Variants in MARK2 observed in about 807,000 individuals in gnomAD.
MARK2 encodes serine/threonine-protein kinase MARK2.
A neutral mutation model predicts 89.8 loss-of-function variants in MARK2; 16 were observed. That is an observed-to-expected ratio of 0.18 (90% confidence interval 0.12 to 0.27). The LOEUF (loss-of-function observed/expected upper bound fraction) is 0.27, where lower values mean the gene tolerates loss of function less well. Among genes scored for constraint, MARK2 ranks in the 10% least tolerant of loss-of-function variants. The pLI, the probability that MARK2 is intolerant of heterozygous loss-of-function variation, is 1.00. For missense variants in MARK2, 621 were observed against 1,049.9 expected (o/e 0.59, Z 5.65); for synonymous variants, 382 against 399.5 (o/e 0.96, Z 0.52).
At chr11:63,894,342 C>A (rs954959293) in intron 1 of MARK2, among the ~76,000 whole-genome samples, 1 of 152,180 alleles carries the variant, frequency 6.6e-6, no homozygotes, top group African/African-American at 2.4e-5. Flanking sequence ...GCGGGAGACT[C>A]GGGTTCGACT....
intron 1 of MARK2, among the ~76,000 whole-genome samples, chr11:63,888,073 TAGG>T (rs1158454030): frequency 6.6e-6 from 1 of 152,182 alleles, no homozygotes; most frequent in African/African-American, 2.4e-5. Flanking sequence ...ATACACCTCA[TAGG>T]GGGCTTTACA....
rs376799657 is a variant in MARK2, at chr11:63,843,008, TA to T, written c.54+3462del. Among the ~76,000 whole-genome samples the T allele has an allele frequency of 6.1e-3, 871 of 142,896 alleles. 1 individual carries two copies. The highest frequency in any genetic ancestry group is 9.9e-3 in the African/African-American group (387 of 39,130). 93.7% of individuals were successfully genotyped at this position (142,896 alleles called of 152,430 possible). A position where few individuals can be genotyped will look rare whatever the true frequency, so the allele number is the denominator to read the frequency against. ...GCTTATAACAGTGAAAGTAGGAGATTAAAAAAAAAAAAAAGTTAAGCCCTGT... is the reference window on the plus strand; with the variant it reads ...GCTTATAACAGTGAAAGTAGGAGATTAAAAAAAAAAAAAGTTAAGCCCTGT... On this transcript the variant is annotated intron_variant, in intron 1 of 18. Coordinates refer to ENST00000402010, the MANE Select transcript of MARK2 (RefSeq NM_001039469.3).
chr11:63,859,922 A>G (rs1187613418), intron 1 of MARK2, among the ~76,000 whole-genome samples: 1 of 152,128 alleles, frequency 6.6e-6, no homozygotes, highest in Non-Finnish European at 1.5e-5. Flanking sequence ...GAGCCACCAC[A>G]TCCGGCCTCT....
In MARK2 at chr11:63,904,885, C is replaced by T. The variant is rs775405538; in HGVS notation, c.1776C>T (p.Ser592=). ...GAACTAACTTCCCCCGGGGTGTGTCCAGCCGAAGCACCTTCCATGCTGGGC... is the reference window on the plus strand; with the variant it reads ...GAACTAACTTCCCCCGGGGTGTGTCTAGCCGAAGCACCTTCCATGCTGGGC... The part of the protein sequence containing the change: ...PDRTNFPRGV[S]SRSTFHAGQL... Residue 592 remains serine (S), a synonymous_variant, in exon 16 of 19, where the codon TCC becomes TCT. Coordinates refer to ENST00000402010, the MANE Select transcript of MARK2 (RefSeq NM_001039469.3). This position sits in a 1 kb window ranked among gnomAD's most constrained non-coding sequence, Gnocchi z 6.3. The T allele has an allele frequency of 1.1e-5, 18 of 1,614,112 alleles. No individual in the cohort carries two copies. In the African/African-American group the frequency reaches 1.7e-4, roughly 16 times the overall value.
At chr11:63,856,573 G>C (rs1338234313) in intron 1 of MARK2, among the ~76,000 whole-genome samples, 1 of 150,474 alleles carries the variant, frequency 6.6e-6, no homozygotes, top group African/African-American at 2.4e-5. Flanking sequence ...ACAGGTGTGC[G>C]CTACCACACC....
chr11:63,896,095 C>A (rs1021483776), intron 3 of MARK2, among the ~76,000 whole-genome samples: 6 of 152,208 alleles, frequency 3.9e-5, no homozygotes, highest in African/African-American at 1.4e-4. Flanking sequence ...CATTCCCTCC[C>A]ATGGCTCTGC....
At chr11:63,841,941 A>G (rs1421784298) in intron 1 of MARK2, among the ~76,000 whole-genome samples, 1 of 152,248 alleles carries the variant, frequency 6.6e-6, no homozygotes, top group African/African-American at 2.4e-5. Context: ...TGATAGCAGC[A>G]ATCAGTGACC....
At position 63,895,192 on chromosome 11, in the gene MARK2, A is replaced by G; in HGVS notation, c.88A>G (p.Ser30Gly). ...GGGACACCTTGACTCCAAGCCCAGCAGTAAGTCCAACATGATTCGGGGCCG... is the reference window on the plus strand; with the variant it reads ...GGGACACCTTGACTCCAAGCCCAGCGGTAAGTCCAACATGATTCGGGGCCG... ...TLGHLDSKPS[S>G]KSNMIRGRNS... Residue 30 changes from serine to glycine, a missense_variant, in exon 2 of 19, where the codon AGT (serine) becomes GGT (glycine). Physicochemically the swap from Ser to Gly is moderately conservative, Grantham distance 56. Coordinates refer to ENST00000402010, the MANE Select transcript of MARK2 (RefSeq NM_001039469.3). The G allele has an allele frequency of 6.2e-7, 1 of 1,614,030 alleles. No homozygotes were observed. The highest frequency in any genetic ancestry group is 8.5e-7 in the Non-Finnish European group (1 of 1,179,932).
chr11:63,887,299 G>A (rs975292956), intron 1 of MARK2, among the ~76,000 whole-genome samples: 2 of 152,206 alleles, frequency 1.3e-5, no homozygotes, highest in African/African-American at 4.8e-5. Context: ...TCTGGGCTCC[G>A]GCCCCAGCTC....
Position 63,906,087 on chromosome 11 carries a change from G to A in MARK2, c.1935-1G>A, listed in dbSNP as rs1941308735. The A allele has an allele frequency of 7.5e-7, 1 of 1,340,008 alleles. No homozygotes were observed. Among genetic ancestry groups the A allele is most frequent in the Non-Finnish European group, 9.6e-7 (1 of 1,041,700 alleles). The allele number at this position is 1,340,008 out of a possible 1,614,324, so 83.0% of individuals were successfully genotyped here. Reference sequence around the variant, plus strand: ...TGTCTTTTTTTTGTTTGTTTTTTTAGAAATCTGTCTTTCAGGTTTGCCAGA... The same window carrying A: ...TGTCTTTTTTTTGTTTGTTTTTTTAAAAATCTGTCTTTCAGGTTTGCCAGA... On this transcript the variant is annotated splice_acceptor_variant, in intron 16 of 18. Coordinates refer to ENST00000402010, the MANE Select transcript of MARK2 (RefSeq NM_001039469.3). LOFTEE classifies it high-confidence loss of function.
chr11:63,870,744 T>A (rs549256734), intron 1 of MARK2, among the ~76,000 whole-genome samples: 100 of 152,290 alleles, frequency 6.6e-4, no homozygotes, highest in African/African-American at 2.3e-3. Flanking sequence ...CCCTGTGAAG[T>A]GATGCAGGGA....
chr11:63,844,017 G>A (rs2016154385), intron 1 of MARK2, among the ~76,000 whole-genome samples: 1 of 152,160 alleles, frequency 6.6e-6, no homozygotes, highest in African/African-American at 2.4e-5. Flanking sequence ...GGGGTCCTTG[G>A]TGGTGCTGCC....
At chr11:63,864,123 T>G (rs1177265742) in intron 1 of MARK2, among the ~76,000 whole-genome samples, 1 of 151,620 alleles carries the variant, frequency 6.6e-6, no homozygotes, top group African/African-American at 2.4e-5. Flanking sequence ...CCGGCTAATT[T>G]TTTTGTATTT....
At chr11:63,861,740 C>CTT (rs531935148) in intron 1 of MARK2, among the ~76,000 whole-genome samples, 1,300 of 127,036 alleles carry the variant, frequency 0.01, 41 homozygotes, top group African/African-American at 0.028. Context: ...CTCATTTACT[C>CTT]TTTTTTTTTT....
intron 1 of MARK2, among the ~76,000 whole-genome samples, chr11:63,883,497 A>C (rs1413871307): frequency 2.6e-5 from 4 of 152,234 alleles, no homozygotes; most frequent in Admixed American, 6.5e-5. Flanking sequence ...GTTCCTACCC[A>C]AAAATGAAGC....
chr11:63,869,848 C>T (rs1938349294), intron 1 of MARK2, among the ~76,000 whole-genome samples: 1 of 152,176 alleles, frequency 6.6e-6, no homozygotes. Context: ...CCACTTCCTG[C>T]TGTGGTCTTG....
intron 3 of MARK2, among the ~76,000 whole-genome samples, chr11:63,896,730 T>C (rs1269036336): frequency 6.6e-6 from 1 of 152,128 alleles, no homozygotes; most frequent in East Asian, 1.9e-4. Flanking sequence ...GAAACATTGT[T>C]GTCATCATCA....
chr11:63,891,468 A>G (rs984434255), intron 1 of MARK2, among the ~76,000 whole-genome samples: 1 of 152,202 alleles, frequency 6.6e-6, no homozygotes, highest in African/African-American at 2.4e-5. Context: ...CACACAGACC[A>G]GCCCCTCGGT....
At chr11:63,850,947 G>A (rs1390021915) in intron 1 of MARK2, among the ~76,000 whole-genome samples, 1 of 152,130 alleles carries the variant, frequency 6.6e-6, no homozygotes, top group African/African-American at 2.4e-5. Flanking sequence ...TACACACTCA[G>A]CCATGTTCCT....
Sources: allele counts gnomAD v4.1 joint callset (sites outside exome capture counted in the v4.1 genomes callset), GRCh38; gene constraint gnomAD v4.1.1; non-coding constraint Gnocchi (gnomAD v3.1); transcripts MANE v1.5; gene names NCBI Gene and HGNC (gene_info 2026-07-23, HGNC 2026-07-21).